Variants in RDH10 observed in about 807,000 individuals in gnomAD.
The protein encoded by RDH10 is retinol dehydrogenase 10.
In RDH10, 12 loss-of-function variants were observed where a neutral mutation model predicts 30.2. The observed-to-expected ratio is 0.40, with a 90% CI of 0.25 to 0.64. The LOEUF is 0.64. Ranked by LOEUF, RDH10 falls within the 30% of genes least tolerant of loss-of-function variation. The pLI is 0.43. For synonymous variants in RDH10, 189 were observed against 172.2 expected (o/e 1.10, Z -0.76); for missense variants, 268 against 445.2 (o/e 0.60, Z 3.58).
chr8:73,322,936 T>C lies in RDH10; in HGVS notation c.926T>C (p.Val309Ala). The C allele has an allele frequency of 6.2e-7, 1 of 1,614,210 alleles. No homozygotes were observed. Among genetic ancestry groups the C allele is most frequent in the Non-Finnish European group, 8.5e-7 (1 of 1,180,022 alleles). The change falls in exon 6 of 6, where the codon GTG (valine) becomes GCG (alanine). Residue 309 changes from valine to alanine, a missense_variant. Val to Ala is a moderately conservative substitution (Grantham distance 64, BLOSUM62 0). Transcript: ENST00000240285. ...AGCATCCTACCATTTGAAGCAGTTG[T>C]GTGCATGTATCGGTTCCTAGGAGCG... is the stretch of plus-strand genomic sequence containing the variant. ...MKSILPFEAV[V>A]CMYRFLGADK...
chr8:73,321,906 G>C, intron 4 of RDH10: 1 of 456,242 alleles, frequency 2.2e-6, no homozygotes, highest in Non-Finnish European at 4.4e-6. Flanking sequence ...AGTCTGACCT[G>C]GAAAATGGAC....
In RDH10 at chr8:73,295,251, A is replaced by G; in HGVS notation, c.-39A>G. 2.7e-6 allele frequency: 4 copies of G among 1,479,376 alleles called. No individual in the cohort carries two copies. Among genetic ancestry groups the G allele is most frequent in the Non-Finnish European group, 3.6e-6 (4 of 1,115,404 alleles). The allele number at this position is 1,479,376 out of a possible 1,614,324, so 91.6% of individuals were successfully genotyped here. On this transcript the variant is annotated 5_prime_UTR_variant, in exon 1 of 6. Coordinates refer to ENST00000240285, the MANE Select transcript of RDH10 (RefSeq NM_172037.5). ...ATTGCCGGGCTCGGGGTGGGCGCGG[A>G]CGCAGGCACTGGGCTCGTGCGGGGC...
intron 2 of RDH10, among the ~76,000 whole-genome samples, chr8:73,304,671 C>G (rs1814438114): frequency 6.6e-6 from 1 of 152,274 alleles, no homozygotes; most frequent in Admixed American, 6.5e-5. Flanking sequence ...CTGGAGAGAG[C>G]CTTGCACACA....
At chr8:73,305,218 T>C (rs1002060341) in intron 2 of RDH10, among the ~76,000 whole-genome samples, 3 of 152,226 alleles carry the variant, frequency 2.0e-5, no homozygotes, top group Non-Finnish European at 4.4e-5. Flanking sequence ...ACTCCACTTA[T>C]TCTCTTCTCC....
chr8:73,318,136 G>A (rs910710122), intron 2 of RDH10, among the ~76,000 whole-genome samples: 1 of 151,082 alleles, frequency 6.6e-6, no homozygotes, highest in Admixed American at 6.6e-5. Context: ...ATTGCTCTTC[G>A]CTGCTTTCTT....
intron 1 of RDH10, 167 bp downstream of exon 1, chr8:73,295,745 C>A: frequency 1.1e-6 from 1 of 930,152 alleles, no homozygotes; most frequent in Non-Finnish European, 1.5e-6. Context: ...GATAAAGGAA[C>A]GCGATCACTT....
chr8:73,299,013 C>G (rs1174299464), intron 2 of RDH10, among the ~76,000 whole-genome samples: 2 of 151,960 alleles, frequency 1.3e-5, no homozygotes, highest in Admixed American at 1.3e-4. Context: ...GGGGTTGCAC[C>G]ATGTTGATCA....
In RDH10 at chr8:73,321,045, A is replaced by G; in HGVS notation, c.738A>G (p.Val246=). Residue 246 remains valine, a synonymous_variant, in exon 4 of 6, where the codon GTA becomes GTG. Transcript: ENST00000240285. ...IKTTLVCPYL[V]DTGMFRGCRI... ...CAACCTTGGTTTGCCCTTATCTTGT[A>G]GACACTGGCATGTTCAGAGGCTGCC... The G allele has an allele frequency of 4.3e-6, 7 of 1,614,094 alleles. No homozygotes were observed. Among genetic ancestry groups the G allele is most frequent in the Non-Finnish European group, 5.9e-6 (7 of 1,179,944 alleles).
intron 2 of RDH10, chr8:73,315,698 T>C: frequency 2.4e-6 from 1 of 414,776 alleles, no homozygotes; most frequent in Non-Finnish European, 5.0e-6. Context: ...AGCCGCTGGC[T>C]GGAGTTAGAG....
chr8:73,299,265 G>A (rs747411601), intron 2 of RDH10, among the ~76,000 whole-genome samples: 5 of 152,180 alleles, frequency 3.3e-5, no homozygotes, highest in Non-Finnish European at 2.9e-5. Context: ...TTCAGTGGGG[G>A]TGGGGAACTG....
intron 2 of RDH10, chr8:73,311,685 A>G (rs1239188575): frequency 6.6e-6 from 1 of 152,218 alleles, no homozygotes; most frequent in Non-Finnish European, 1.5e-5. Flanking sequence ...CTATTATGAC[A>G]TGTTCTTTAG....
Position 73,297,303 on chromosome 8 carries a change from C to G in RDH10, c.399C>G (p.Arg133=). 6.2e-7 allele frequency: 1 copy of G among 1,613,956 alleles called. No individual in the cohort carries two copies. The highest frequency in any genetic ancestry group is 8.5e-7 in the Non-Finnish European group (1 of 1,179,834). ...TCTACCTGACGGCTGAAAGAGTCCG[C>G]AAGGAGGTTGGCGAAGTCTCAGTCC... The part of the protein sequence containing the change: ...ENVYLTAERV[R]KEVGEVSVLV... Residue 133 remains arginine, a synonymous_variant, in exon 2 of 6, where the codon CGC becomes CGG. Transcript: ENST00000240285.
intron 4 of RDH10, chr8:73,322,438 T>C (rs1814788173): frequency 4.5e-6 from 2 of 446,742 alleles, no homozygotes; most frequent in Non-Finnish European, 8.0e-6. Flanking sequence ...ACATGACTTT[T>C]TCATCTTATG....
chr8:73,306,155 A>G (rs1814460491), intron 2 of RDH10, among the ~76,000 whole-genome samples: 1 of 152,240 alleles, frequency 6.6e-6, no homozygotes, highest in African/African-American at 2.4e-5. Flanking sequence ...TTAAGATACC[A>G]TTGTTCAGAG....
chr8:73,320,078 C>T (rs117170985), intron 3 of RDH10, among the ~76,000 whole-genome samples: 6,925 of 152,254 alleles, frequency 0.045, 224 homozygotes, highest in Non-Finnish European at 0.071. Context: ...AGGTTAAGTT[C>T]TAGTTTAAGA....
chr8:73,295,449 C>T lies in RDH10; in HGVS notation c.160C>T (p.Leu54=), dbSNP rs1346759463. The change falls in exon 1 of 6, where the codon CTG becomes TTG. Residue 54 remains leucine (L), a synonymous_variant. Coordinates refer to ENST00000240285, the MANE Select transcript of RDH10 (RefSeq NM_172037.5). ...CAGCGGCCTGGGCCGCCTCTTCGCG[C>T]TGGAGTTCGCCCGGCGTCGGGCGCT... ...AGSGLGRLFA[L]EFARRRALLV... 1 of 1,550,722 alleles carries T rather than the reference C, an allele frequency of 6.4e-7. No homozygotes were observed.
At chr8:73,312,992 C>T (rs1440005039) in intron 2 of RDH10, 2 of 152,208 alleles carry the variant, frequency 1.3e-5, no homozygotes, top group Non-Finnish European at 2.9e-5. Flanking sequence ...TCTCTCAGTG[C>T]TCAGGAACCT....
In RDH10 at chr8:73,295,272, G is replaced by A. The variant is rs1294033228; in HGVS notation, c.-18G>A. ...GCGGACGCAGGCACTGGGCTCGTGC[G>A]GGGCCCCGGGCGTCGCGATGAACAT... On this transcript the variant is annotated 5_prime_UTR_variant, in exon 1 of 6. Coordinates refer to ENST00000240285, the MANE Select transcript of RDH10 (RefSeq NM_172037.5). 6.5e-7 allele frequency: 1 copy of A among 1,546,010 alleles called. No individual in the cohort carries two copies. The highest frequency in any genetic ancestry group is 8.7e-7 in the Non-Finnish European group (1 of 1,149,858).
chr8:73,307,007 T>A (rs1056065586), intron 2 of RDH10, among the ~76,000 whole-genome samples: 1 of 152,116 alleles, frequency 6.6e-6, no homozygotes, highest in African/African-American at 2.4e-5. Context: ...TTCTTAAGGG[T>A]TTTTTACATG....
Sources: allele counts gnomAD v4.1 joint callset (sites outside exome capture counted in the v4.1 genomes callset), GRCh38; gene constraint gnomAD v4.1.1; transcripts MANE v1.5; gene names NCBI Gene and HGNC (gene_info 2026-07-23, HGNC 2026-07-21).